The following SULT4A1 variants were observed in gnomAD, a reference collection of about 807,000 sequenced individuals.
SULT4A1 encodes the protein sulfotransferase family 4A member 1.
A neutral mutation model predicts 35.2 loss-of-function variants in SULT4A1; 11 were observed. The ratio of observed to expected loss-of-function variants is 0.31; its 90% CI spans 0.20 to 0.52. SULT4A1 has a LOEUF of 0.52. Ranked by LOEUF, SULT4A1 falls within the 20% of genes least tolerant of loss-of-function variation. The pLI is 0.97. For missense variants in SULT4A1, 271 were observed against 383.7 expected (o/e 0.71, Z 2.45); for synonymous variants, 152 against 151.8 (o/e 1.00, Z -0.01).
intron 1 of SULT4A1, among the ~76,000 whole-genome samples, chr22:43,858,540 A>G (rs905071250): frequency 6.6e-6 from 1 of 152,048 alleles, no homozygotes; most frequent in Non-Finnish European, 1.5e-5. Flanking sequence ...CTGGTACAAA[A>G]CCACACGTTC....
intron 6 of SULT4A1, chr22:43,827,008 T>C: frequency 1.0e-6 from 1 of 985,466 alleles, no homozygotes; most frequent in African/African-American, 1.7e-5. Context: ...AGAGAAGTTG[T>C]TGCTCCCATT....
rs897241325 is a variant in SULT4A1, at chr22:43,837,430, G to A, written c.508+1437C>T. The stretch of plus-strand genomic sequence containing the variant: ...TCTGCAGAGAGCAGAGTCCATGCTG[G>A]ACCCTAGGAAACAGCTTCAGAAGTC... On this transcript the variant is annotated intron_variant, in intron 4 of 6. Coordinates refer to ENST00000330884, the MANE Select transcript of SULT4A1 (RefSeq NM_014351.4). 5.3e-5 allele frequency among the ~76,000 whole-genome samples: 8 copies of A among 152,330 alleles called. No individual in the cohort carries two copies. In the South Asian group the frequency reaches 1.7e-3, roughly 32 times the overall value.
At chr22:43,854,180 T>C (rs1405335120) in intron 1 of SULT4A1, among the ~76,000 whole-genome samples, 1 of 152,146 alleles carries the variant, frequency 6.6e-6, no homozygotes, top group Non-Finnish European at 1.5e-5. Flanking sequence ...CCCATGCACA[T>C]CTTTGCCGCG....
chr22:43,826,407 A>T (rs2063287230), intron 6 of SULT4A1: 1 of 985,264 alleles, frequency 1.0e-6, no homozygotes, highest in South Asian at 4.7e-5. Flanking sequence ...GGGGCCCACC[A>T]GGGAGACTCT....
chr22:43,854,838 C>T (rs1411893026), intron 1 of SULT4A1, among the ~76,000 whole-genome samples: 1 of 152,186 alleles, frequency 6.6e-6, no homozygotes, highest in African/African-American at 2.4e-5. Flanking sequence ...CTTCTGAGAC[C>T]ACCTCCCACC....
In SULT4A1 at chr22:43,836,089, C is replaced by T. The variant is rs373647764; in HGVS notation, c.509-2355G>A. Among the ~76,000 whole-genome samples, 335 of 152,348 alleles carry T rather than the reference C, an allele frequency of 2.2e-3. 12 individuals carry two copies. In the South Asian group the frequency reaches 0.066, roughly 30 times the overall value. On this transcript the variant is annotated intron_variant, in intron 4 of 6. Transcript: ENST00000330884. ...CTCACTGTCCACCCCAGAGAAGACACGGTCACAGAGGCTGCATGCCACACT... is the reference window on the plus strand; with the variant it reads ...CTCACTGTCCACCCCAGAGAAGACATGGTCACAGAGGCTGCATGCCACACT...
intron 1 of SULT4A1, among the ~76,000 whole-genome samples, chr22:43,849,701 C>T (rs996450089): frequency 2.0e-5 from 3 of 152,188 alleles, no homozygotes; most frequent in African/African-American, 7.2e-5. Flanking sequence ...ATCTTCAATT[C>T]GTTCATGCAG....
At chr22:43,829,771 C>T (rs2063312690) in intron 5 of SULT4A1, among the ~76,000 whole-genome samples, 1 of 152,204 alleles carries the variant, frequency 6.6e-6, no homozygotes. Context: ...CCCAGCCCCC[C>T]ACCCCTGCCA....
At chr22:43,860,174 T>C (rs1455678346) in intron 1 of SULT4A1, among the ~76,000 whole-genome samples, 6 of 152,136 alleles carry the variant, frequency 3.9e-5, no homozygotes, top group African/African-American at 1.4e-4. Context: ...CTCCTACACC[T>C]GGGCACTGGA....
chr22:43,845,803 A>G (rs533976116), intron 1 of SULT4A1, among the ~76,000 whole-genome samples: 1 of 152,242 alleles, frequency 6.6e-6, no homozygotes, highest in South Asian at 2.1e-4. Context: ...TCTATTGTGA[A>G]CTGCACCTGC....
intron 4 of SULT4A1, among the ~76,000 whole-genome samples, chr22:43,837,438 G>C (rs1312302852): frequency 6.6e-6 from 1 of 152,202 alleles, no homozygotes; most frequent in East Asian, 1.9e-4. Context: ...TGGACCCTAG[G>C]AAACAGCTTC....
intron 6 of SULT4A1, chr22:43,827,085 G>A: frequency 1.0e-6 from 1 of 985,446 alleles, no homozygotes; most frequent in Non-Finnish European, 1.2e-6. Context: ...AAGATGTCTG[G>A]GGCGGGGATT....
chr22:43,851,060 C>T (rs1358081307), intron 1 of SULT4A1, among the ~76,000 whole-genome samples: 2 of 152,102 alleles, frequency 1.3e-5, no homozygotes, highest in Non-Finnish European at 2.9e-5. Flanking sequence ...CAGGATTAAT[C>T]TTCCATTTTT....
At chr22:43,841,412 AGCAGG>A (rs2063427692) in intron 2 of SULT4A1, among the ~76,000 whole-genome samples, 1 of 152,092 alleles carries the variant, frequency 6.6e-6, no homozygotes, top group Admixed American at 6.5e-5. Flanking sequence ...GGGTGCGGGG[AGCAGG>A]GCTCTGGGGT....
chr22:43,824,957 G>T lies in SULT4A1; in HGVS notation c.*1044C>A, dbSNP rs1404744799. 1 of 152,180 alleles carries T rather than the reference G, an allele frequency of 6.6e-6. No individual in the cohort carries two copies. The highest frequency in any genetic ancestry group is 1.5e-5 in the Non-Finnish European group (1 of 68,034). The allele number at this position is 152,180 out of a possible 1,614,324, so 9.4% of individuals were successfully genotyped here. On this transcript the variant is annotated 3_prime_UTR_variant, in exon 7 of 7. Transcript: ENST00000330884. ...TAAAGACCTCACCTTTACTCCCTCA[G>T]ATACACGGAGGGATGAGGTGGACAG... is the stretch of plus-strand genomic sequence containing the variant.
At chr22:43,859,866 A>G (rs1016838566) in intron 1 of SULT4A1, among the ~76,000 whole-genome samples, 1 of 152,208 alleles carries the variant, frequency 6.6e-6, no homozygotes. Context: ...TTTCATTTTA[A>G]TTCATTAGAT....
intron 3 of SULT4A1, among the ~76,000 whole-genome samples, chr22:43,839,571 G>C (rs921411919): frequency 6.6e-6 from 1 of 152,178 alleles, no homozygotes; most frequent in Non-Finnish European, 1.5e-5. Flanking sequence ...CTGGGCGACA[G>C]ACTAAGACTC....
chr22:43,860,971 G>T (rs1019898317), intron 1 of SULT4A1, among the ~76,000 whole-genome samples: 2 of 152,112 alleles, frequency 1.3e-5, no homozygotes, highest in African/African-American at 4.8e-5. Context: ...TGAAAAAAAG[G>T]TGTAAGAGTC....
intron 1 of SULT4A1, among the ~76,000 whole-genome samples, chr22:43,849,528 A>C (rs2063497507): frequency 6.6e-6 from 1 of 152,198 alleles, no homozygotes; most frequent in Non-Finnish European, 1.5e-5. Context: ...ATCGGACAGA[A>C]GCAGTGTGAC....
Sources: allele counts gnomAD v4.1 joint callset (sites outside exome capture counted in the v4.1 genomes callset), GRCh38; gene constraint gnomAD v4.1.1; transcripts MANE v1.5; gene names NCBI Gene and HGNC (gene_info 2026-07-23, HGNC 2026-07-21).